Variants in SMIM36 observed in about 807,000 individuals in gnomAD.
SMIM36 encodes the protein small integral membrane protein 36.
chr17:55,450,003 C>T lies in SMIM36; in HGVS notation c.*827G>A, dbSNP rs1192736683. 2.6e-5 allele frequency: 4 copies of T among 152,154 alleles called. No individual in the cohort carries two copies. The East Asian group carries it at 7.7e-4, about 29-fold the overall frequency. The allele number at this position is 152,154 out of a possible 1,614,324, so 9.4% of individuals were successfully genotyped here. On this transcript the variant is annotated 3_prime_UTR_variant, in exon 5 of 5. Transcript: ENST00000636752. ...TTATTTTATGTTGTAAAATATTGAACATGACTTTATATGACATAAGATATG... is the reference window on the plus strand; with the variant it reads ...TTATTTTATGTTGTAAAATATTGAATATGACTTTATATGACATAAGATATG...
intron 3 of SMIM36, among the ~76,000 whole-genome samples, chr17:55,476,795 G>A (rs188088996): frequency 6.6e-6 from 1 of 152,264 alleles, no homozygotes; most frequent in East Asian, 1.9e-4. Context: ...TTGAACTCCT[G>A]ACCTTAAGTG....
At chr17:55,463,623 G>C (rs571579260) in intron 4 of SMIM36, among the ~76,000 whole-genome samples, 5 of 152,220 alleles carry the variant, frequency 3.3e-5, no homozygotes, top group African/African-American at 1.2e-4. Flanking sequence ...ACTGTACTGA[G>C]AATAAGAGGG....
chr17:55,501,926 C>G (rs898838610), intron 1 of SMIM36, among the ~76,000 whole-genome samples: 2 of 146,912 alleles, frequency 1.4e-5, no homozygotes, highest in Non-Finnish European at 3.0e-5. Flanking sequence ...CGCAAGGGGT[C>G]AGGGAGTTCC....
chr17:55,452,949 G>T (rs1908946166), intron 4 of SMIM36, among the ~76,000 whole-genome samples: 1 of 152,170 alleles, frequency 6.6e-6, no homozygotes, highest in Non-Finnish European at 1.5e-5. Context: ...GGAATGGGTG[G>T]CTGTGTTTGG....
the SMIM36 span, among the ~76,000 whole-genome samples, chr17:55,530,243 T>G: frequency 3.3e-5 from 5 of 152,074 alleles, no homozygotes; most frequent in Non-Finnish European, 7.4e-5. Context: ...GTGGTAAAGG[T>G]CGAGGGTAGG....
At chr17:55,482,176 T>C (rs904283061) in intron 1 of SMIM36, among the ~76,000 whole-genome samples, 3 of 152,218 alleles carry the variant, frequency 2.0e-5, no homozygotes, top group African/African-American at 7.2e-5. Context: ...CTTTCTAAAA[T>C]TGCAGAGAAA....
intron 3 of SMIM36, among the ~76,000 whole-genome samples, chr17:55,478,490 A>G (rs531972247): frequency 6.6e-6 from 1 of 152,156 alleles, no homozygotes; most frequent in Non-Finnish European, 1.5e-5. Context: ...TTGACTTCCT[A>G]GAGAGCTGGG....
chr17:55,492,230 T>TTTTC (rs780269531), intron 1 of SMIM36, among the ~76,000 whole-genome samples: 12 of 118,722 alleles, frequency 1.0e-4, no homozygotes, highest in Non-Finnish European at 1.4e-4. Flanking sequence ...TTTTCTTTTC[T>TTTTC]TTTCTTTCTT....
the SMIM36 span, among the ~76,000 whole-genome samples, chr17:55,526,037 C>G: frequency 6.6e-6 from 1 of 152,170 alleles, no homozygotes; most frequent in Admixed American, 6.5e-5. Flanking sequence ...ATGTGGCCAA[C>G]AAGGCCATTC....
chr17:55,520,111 C>T, the SMIM36 span, among the ~76,000 whole-genome samples: 1 of 152,104 alleles, frequency 6.6e-6, no homozygotes, highest in African/African-American at 2.4e-5. Context: ...GTATTGTGGT[C>T]GTATCACTCC....
chr17:55,528,280 C>T, the SMIM36 span, among the ~76,000 whole-genome samples: 8 of 152,228 alleles, frequency 5.3e-5, no homozygotes, highest in Middle Eastern at 3.4e-3. Flanking sequence ...CCATTGCTCA[C>T]GATTATTTAC....
chr17:55,474,469 T>G (rs963543230), intron 3 of SMIM36, among the ~76,000 whole-genome samples: 1 of 152,194 alleles, frequency 6.6e-6, no homozygotes, highest in Non-Finnish European at 1.5e-5. Context: ...AGGAAGGAAC[T>G]GGCACTTGGA....
chr17:55,472,517 C>T (rs1909357552), intron 3 of SMIM36, among the ~76,000 whole-genome samples: 2 of 152,332 alleles, frequency 1.3e-5, no homozygotes, highest in South Asian at 4.1e-4. Flanking sequence ...CTGCTGCCGG[C>T]CAAGGCAGGA....
chr17:55,454,991 TAGAG>T (rs1294234463), intron 4 of SMIM36, among the ~76,000 whole-genome samples: 3 of 152,328 alleles, frequency 2.0e-5, no homozygotes, highest in African/African-American at 4.8e-5. Context: ...TGGATAGTCT[TAGAG>T]AGAACTATCT....
At chr17:55,508,443 T>TATAC (rs1409030662) in intron 1 of SMIM36, among the ~76,000 whole-genome samples, 1 of 53,496 alleles carries the variant, frequency 1.9e-5, no homozygotes, top group Non-Finnish European at 4.9e-5. Context: ...TATATATATA[T>TATAC]ATATATATAT....
chr17:55,525,815 G>A, the SMIM36 span, among the ~76,000 whole-genome samples: 6 of 151,954 alleles, frequency 3.9e-5, no homozygotes, highest in Non-Finnish European at 7.4e-5. Context: ...GCGCCACCAT[G>A]CCTGGCTAAT....
chr17:55,521,665 T>C, the SMIM36 span, among the ~76,000 whole-genome samples: 2 of 152,232 alleles, frequency 1.3e-5, no homozygotes, highest in Non-Finnish European at 2.9e-5. Context: ...GGATTTTAGA[T>C]GTATCCTTGC....
chr17:55,507,840 G>A (rs1396628161), intron 1 of SMIM36, among the ~76,000 whole-genome samples: 2 of 152,098 alleles, frequency 1.3e-5, no homozygotes, highest in African/African-American at 2.4e-5. Context: ...ATCAGCCTGC[G>A]GACTTAAGCC....
At position 55,501,842 on chromosome 17, in the gene SMIM36, C is replaced by G. The variant is rs766478494; in HGVS notation, c.*174+9037G>C. Among the ~76,000 whole-genome samples the G allele has an allele frequency of 4.0e-5, 6 of 150,124 alleles. No individual in the cohort carries two copies. The East Asian group carries it at 6.0e-4, about 15-fold the overall frequency. On this transcript the variant is annotated intron_variant, in intron 1 of 4. Transcript: ENST00000636752. ...CCGGGTTCATCTCACTAGGGAGTGC[C>G]AGACGGTGGGCGCAGGCCAGTGGGT...
Sources: gnomAD v4.1 joint callset for allele counts (sites outside exome capture counted in the v4.1 genomes callset) on GRCh38, gnomAD v4.1.1 for gene constraint, MANE v1.5 for transcripts, NCBI Gene and HGNC (gene_info 2026-07-23, HGNC 2026-07-21) for gene names.